The following TGS1 variants were observed in gnomAD, a reference collection of about 807,000 sequenced individuals.
The protein encoded by TGS1 is trimethylguanosine synthase.
Under a neutral mutation model 92.2 loss-of-function variants are expected in TGS1, and 69 were observed. The observed-to-expected ratio is 0.75, with a 90% CI of 0.62 to 0.91. The LOEUF (loss-of-function observed/expected upper bound fraction) is 0.91, where lower values mean the gene tolerates loss of function less well. Ranked by LOEUF, TGS1 falls within the 40% of genes least tolerant of loss-of-function variation. The pLI is 0.00. For synonymous variants in TGS1, 345 were observed against 338.1 expected, an observed-to-expected ratio of 1.02 and a Z score of -0.22; for missense variants, 1,062 against 1,001.2, an observed-to-expected ratio of 1.06 and a Z score of -0.82.
intron 9 of TGS1, 38 bp downstream of exon 9, chr8:55,802,644 C>G (rs778005695): frequency 1.3e-6 from 2 of 1,550,930 alleles, no homozygotes; most frequent in Non-Finnish European, 1.7e-6. Flanking sequence ...TATTTTGAAA[C>G]CACTTCAAAC....
intron 10 of TGS1, 58 bp downstream of exon 10, chr8:55,805,094 T>G: frequency 1.3e-6 from 2 of 1,486,784 alleles, no homozygotes; most frequent in Non-Finnish European, 1.9e-6. Flanking sequence ...AGTAAATGTT[T>G]CCATTTTGCT....
rs1408577469 is a variant in TGS1, at chr8:55,786,415, A to G, written c.517A>G (p.Ser173Gly). Residue 173 changes from serine to glycine, a missense_variant, in exon 4 of 13, where the codon AGC becomes GGC. Coordinates refer to ENST00000260129, the MANE Select transcript of TGS1 (RefSeq NM_024831.8). ...GAACACCAGAACATATGAACTTCAA[A>G]GCAAAAAAGATACTGAGACAGAAAA... The part of the protein sequence containing the change: ...YENTRTYELQ[S>G]KKDTETENPP... The G allele has an allele frequency of 2.5e-6, 4 of 1,613,554 alleles. No homozygotes were observed. Among genetic ancestry groups the G allele is most frequent in the Non-Finnish European group, 3.4e-6 (4 of 1,179,880 alleles).
rs963658420 is a variant in TGS1 at position 55,818,075 on chromosome 8, G to T, written c.2439+4957G>T. Among the ~76,000 whole-genome samples the T allele has an allele frequency of 2.6e-5, 4 of 152,156 alleles. No individual in the cohort carries two copies. The South Asian group carries it at 6.2e-4, about 24-fold the overall frequency. On this transcript the variant is annotated intron_variant, in intron 12 of 12. Coordinates refer to ENST00000260129, the MANE Select transcript of TGS1 (RefSeq NM_024831.8). ...CACAGCGACAGTCTTATTACACCTT[G>T]CTGTCTCCCACTGACACAATGTTCA...
At chr8:55,823,737 G>A (rs1803717026) in intron 12 of TGS1, among the ~76,000 whole-genome samples, 1 of 152,140 alleles carries the variant, frequency 6.6e-6, no homozygotes, top group Non-Finnish European at 1.5e-5. Context: ...AGGCTTTCAG[G>A]AAAGGGAAAT....
At chr8:55,802,681 C>T (rs1812252954) in intron 9 of TGS1, 75 bp downstream of exon 9, 3 of 1,411,284 alleles carry the variant, frequency 2.1e-6, no homozygotes, top group Non-Finnish European at 2.9e-6. Context: ...AAGAATAATA[C>T]AGGGAATGTT....
At chr8:55,817,604 C>T (rs1803517123) in intron 12 of TGS1, among the ~76,000 whole-genome samples, 2 of 151,974 alleles carry the variant, frequency 1.3e-5, no homozygotes, top group Admixed American at 6.6e-5. Context: ...TAACTGGTTT[C>T]TAAATACTAG....
chr8:55,822,961 A>G (rs73603162), intron 12 of TGS1, among the ~76,000 whole-genome samples: 9,385 of 152,222 alleles, frequency 0.062, 339 homozygotes, highest in African/African-American at 0.097. Context: ...ATACACAACT[A>G]TAATTTTGCT....
At chr8:55,816,710 C>G (rs1487506821) in intron 12 of TGS1, among the ~76,000 whole-genome samples, 1 of 152,142 alleles carries the variant, frequency 6.6e-6, no homozygotes, top group Non-Finnish European at 1.5e-5. Flanking sequence ...ATGGCTTCCC[C>G]AGGCACATGT....
In TGS1 at chr8:55,782,826, A is replaced by C; in HGVS notation, c.166+14A>C. On this transcript the variant is annotated intron_variant, in intron 2 of 12. Coordinates refer to ENST00000260129, the MANE Select transcript of TGS1 (RefSeq NM_024831.8). ...GCAACAATTCAGGTAATATAGTATA[A>C]AATTCTATAAACCTTTTTTGCTGAA... is the stretch of plus-strand genomic sequence containing the variant. 4 of 1,552,046 alleles carry C rather than the reference A, an allele frequency of 2.6e-6. No homozygotes were observed. The highest frequency in any genetic ancestry group is 3.5e-6 in the Non-Finnish European group (4 of 1,139,314).
At position 55,802,537 on chromosome 8, in the gene TGS1, C is replaced by G. The variant is rs1812247650; in HGVS notation, c.1930C>G (p.Leu644Val). 2.5e-6 allele frequency: 4 copies of G among 1,614,092 alleles called. No individual in the cohort carries two copies. The Admixed American group carries it at 5.0e-5, about 20-fold the overall frequency. The stretch of plus-strand genomic sequence containing the variant: ...TCCTGAAATAGCTGCTGTTCCTGAG[C>G]TGGCAAAATACTGGGCCCAGAGGTA... Reference protein sequence around the residue: ...LPPEIAAVPELAKYWAQRYRL... With the variant: ...LPPEIAAVPEVAKYWAQRYRL... The change falls in exon 9 of 13, where the codon CTG (leucine) becomes GTG (valine). Residue 644 changes from leucine to valine, a missense_variant. Leu to Val is a conservative substitution (Grantham distance 32). Coordinates refer to ENST00000260129, the MANE Select transcript of TGS1 (RefSeq NM_024831.8).
chr8:55,785,501 G>A (rs1811682492), intron 2 of TGS1, among the ~76,000 whole-genome samples: 1 of 152,074 alleles, frequency 6.6e-6, no homozygotes, highest in Non-Finnish European at 1.5e-5. Context: ...GGAGTTCAGA[G>A]CTTTTTAGTG....
At chr8:55,814,222 ATAGGTGTGAGCCAC>A (rs1384948528) in intron 12 of TGS1, among the ~76,000 whole-genome samples, 1 of 152,150 alleles carries the variant, frequency 6.6e-6, no homozygotes, top group African/African-American at 2.4e-5. Context: ...TGCTGGGATT[ATAGGTGTGAGCCAC>A]CACGCGCAGC....
intron 9 of TGS1, 65 bp downstream of exon 9, chr8:55,802,671 A>G (rs1812252715): frequency 2.0e-6 from 3 of 1,473,318 alleles, no homozygotes; most frequent in Non-Finnish European, 2.8e-6. Flanking sequence ...AGAAAGTTAT[A>G]AGAATAATAC....
intron 1 of TGS1, among the ~76,000 whole-genome samples, chr8:55,775,787 C>T (rs962167448): frequency 1.8e-4 from 27 of 151,710 alleles, no homozygotes; most frequent in Admixed American, 7.2e-4. Flanking sequence ...AGTGATTGAA[C>T]CCATGAATGA....
intron 7 of TGS1, among the ~76,000 whole-genome samples, chr8:55,798,559 TAG>T (rs1313034115): frequency 6.6e-6 from 1 of 152,204 alleles, no homozygotes; most frequent in Non-Finnish European, 1.5e-5. Context: ...AATGATTCAG[TAG>T]TAAGTAGGTA....
chr8:55,783,974 G>C (rs1435478498), intron 2 of TGS1, among the ~76,000 whole-genome samples: 1 of 152,202 alleles, frequency 6.6e-6, no homozygotes, highest in Non-Finnish European at 1.5e-5. Flanking sequence ...AAGTATATTT[G>C]AATGGAGTAG....
intron 1 of TGS1, among the ~76,000 whole-genome samples, chr8:55,781,136 G>A (rs2130110350): frequency 6.6e-6 from 1 of 152,228 alleles, no homozygotes; most frequent in South Asian, 2.1e-4. Context: ...TTATATATGT[G>A]TGTTTTACAC....
Position 55,800,355 on chromosome 8 carries a change from G to A in TGS1, c.1849+1135G>A, listed in dbSNP as rs1812186367. ...TTTAATCTGTAAGGTAGCCAGGGAAGTAGGTGGAATTATTTTCCATTCTGT... is the reference window on the plus strand; with the variant it reads ...TTTAATCTGTAAGGTAGCCAGGGAAATAGGTGGAATTATTTTCCATTCTGT... On this transcript the variant is annotated intron_variant, in intron 8 of 12. Coordinates refer to ENST00000260129, the MANE Select transcript of TGS1 (RefSeq NM_024831.8). 2.6e-5 allele frequency among the ~76,000 whole-genome samples: 4 copies of A among 152,210 alleles called. No individual in the cohort carries two copies. In the South Asian group the frequency reaches 8.3e-4, roughly 31 times the overall value.
intron 8 of TGS1, among the ~76,000 whole-genome samples, chr8:55,801,086 T>C (rs949868846): frequency 2.0e-5 from 3 of 152,252 alleles, no homozygotes; most frequent in African/African-American, 7.2e-5. Context: ...GACTTCAATG[T>C]GGCTGACAGC....
Sources: allele counts gnomAD v4.1 joint callset (sites outside exome capture counted in the v4.1 genomes callset), GRCh38; gene constraint gnomAD v4.1.1; transcripts MANE v1.5; gene names NCBI Gene and HGNC (gene_info 2026-07-23, HGNC 2026-07-21).